The following MZT2A variants were observed in gnomAD, a reference collection of about 807,000 sequenced individuals.
The protein encoded by MZT2A is mitotic spindle organizing protein 2A, also known as mitotic-spindle organizing protein 2A.
In MZT2A, 8 loss-of-function variants were observed where a neutral mutation model predicts 12.4. That is an observed-to-expected ratio of 0.64 (90% CI 0.38 to 1.16). MZT2A has a LOEUF of 1.16. Among genes scored for constraint, MZT2A ranks in the 50% most tolerant of loss-of-function variants. The probability of loss-of-function intolerance (pLI) is 0.01; values close to 1 mark genes in which losing one functional copy is unlikely to be tolerated. For synonymous variants in MZT2A, 88 were observed against 107.5 expected (o/e 0.82, Z 1.12); for missense variants, 181 against 223.6 (o/e 0.81, Z 1.22).
upstream of MZT2A, among the ~76,000 whole-genome samples, chr2:131,493,399 G>A (rs748486881): frequency 1.3e-5 from 2 of 152,186 alleles, no homozygotes; most frequent in Non-Finnish European, 2.9e-5. Flanking sequence ...AAGGTTACCC[G>A]TCGTTGAAGG....
chr2:131,478,202 C>T (rs1433978448), intron 2 of MZT2A: 46 of 1,613,934 alleles, frequency 2.9e-5, no homozygotes, highest in Non-Finnish European at 3.8e-5. Flanking sequence ...AGGCGGGTGT[C>T]CAGATCGGCA....
chr2:131,474,288 G>A (rs183569394), intron 2 of MZT2A, among the ~76,000 whole-genome samples: 1 of 151,884 alleles, frequency 6.6e-6, no homozygotes, highest in African/African-American at 2.4e-5. Context: ...TAGTAGAGAC[G>A]GGGTTTTACC....
intron 2 of MZT2A, chr2:131,491,618 G>A: frequency 1.7e-6 from 1 of 599,932 alleles, no homozygotes; most frequent in Non-Finnish European, 2.9e-6. Context: ...AGGTGGGGAG[G>A]AGCTAAGCGG....
chr2:131,489,818 G>C, intron 2 of MZT2A: 1 of 941,868 alleles, frequency 1.1e-6, no homozygotes, highest in Non-Finnish European at 1.3e-6. Flanking sequence ...GGTCTCACTG[G>C]TGGTTTTCCT....
chr2:131,479,338 T>A (rs1309427750), downstream of MZT2A: 2 of 1,613,998 alleles, frequency 1.2e-6, no homozygotes, highest in Non-Finnish European at 1.7e-6. Context: ...TACAGGCAGC[T>A]CTTCCACCCG....
At chr2:131,474,319 G>A (rs1213369323) in intron 2 of MZT2A, among the ~76,000 whole-genome samples, 2 of 151,534 alleles carry the variant, frequency 1.3e-5, no homozygotes, top group African/African-American at 4.8e-5. Flanking sequence ...GGATGGTCTC[G>A]ATCTCCTGAC....
At chr2:131,492,481 T>TGGCGGGAGC (rs201428043), upstream of MZT2A, 32 of 1,024,370 alleles carry the variant, frequency 3.1e-5, no homozygotes, top group East Asian at 7.9e-4. Flanking sequence ...CGGGCTGCCC[T>TGGCGGGAGC]GGCGGGAGCG....
At position 131,478,635 on chromosome 2, in the gene MZT2A, T is replaced by C. The variant is rs546430768; in HGVS notation, c.279-6453A>G. ...AGCAGTAAGATGGGCTGTGAAGAGA[T>C]TCCCTCGTGCGTGCCTCAGCCCTGC... On this transcript the variant is annotated intron_variant and NMD_transcript_variant, in intron 2 of 4. Coordinates refer to the MZT2A transcript ENST00000427024. 5.1e-5 allele frequency: 35 copies of C among 691,564 alleles called. No individual in the cohort carries two copies. The East Asian group carries it at 1.0e-3, about 20-fold the overall frequency. The allele number at this position is 691,564 out of a possible 1,614,324, so 42.8% of individuals were successfully genotyped here.
downstream of MZT2A, chr2:131,483,945 AC>A (rs1228574316): frequency 8.4e-6 from 12 of 1,435,324 alleles, no homozygotes; most frequent in South Asian, 6.9e-5. Flanking sequence ...AAAAAAAAAA[AC>A]AGTAGAGAGC....
chr2:131,481,177 T>G (rs1170288387), downstream of MZT2A, among the ~76,000 whole-genome samples: 3 of 152,178 alleles, frequency 2.0e-5, no homozygotes, highest in South Asian at 2.1e-4. Flanking sequence ...GTGCTGGGAT[T>G]ACAGTCGTGA....
intron 2 of MZT2A, chr2:131,490,965 C>T (rs1679271616): frequency 1.3e-5 from 20 of 1,548,712 alleles, no homozygotes; most frequent in Admixed American, 3.9e-5. Flanking sequence ...CGCAGGTGCC[C>T]GGGCCCTCTT....
At chr2:131,490,125 T>G (rs1679228175) in intron 2 of MZT2A, 1 of 688,424 alleles carries the variant, frequency 1.5e-6, no homozygotes, top group South Asian at 6.6e-5. Flanking sequence ...AGGAGGCTCA[T>G]GCAGGAGGCG....
intron 3 of MZT2A, among the ~76,000 whole-genome samples, chr2:131,470,774 G>C (rs1704966020): frequency 6.8e-6 from 1 of 147,068 alleles, no homozygotes; most frequent in Non-Finnish European, 1.5e-5. Context: ...AATCAGGCCA[G>C]GCACTCATGC....
intron 2 of MZT2A, among the ~76,000 whole-genome samples, chr2:131,475,555 T>C (rs1678631693): frequency 6.6e-6 from 1 of 152,090 alleles, no homozygotes; most frequent in Non-Finnish European, 1.5e-5. Context: ...TCTTGGGAAC[T>C]CTTGACCTCA....
downstream of MZT2A, among the ~76,000 whole-genome samples, chr2:131,483,671 C>T (rs1678932859): frequency 6.6e-6 from 1 of 152,046 alleles, no homozygotes. Flanking sequence ...GCCAAGATCG[C>T]ACTACTGCAC....
chr2:131,484,341 G>A (rs1411006682), intron 2 of MZT2A, 123 bp from the exon 3 acceptor site: 3 of 1,446,246 alleles, frequency 2.1e-6, no homozygotes, highest in East Asian at 4.8e-5. Context: ...GCTTCAGCTA[G>A]AGGCCCTGCA....
intron 2 of MZT2A, chr2:131,478,407 T>C (rs748496547): frequency 1.9e-6 from 3 of 1,593,572 alleles, no homozygotes; most frequent in Non-Finnish European, 1.7e-6. Flanking sequence ...GGGCACTGGA[T>C]GGCAGCTTTC....
At chr2:131,491,014 C>G in intron 2 of MZT2A, 1 of 1,410,588 alleles carries the variant, frequency 7.1e-7, no homozygotes. Context: ...TGGCACTTCC[C>G]CCATGAAGGC....
downstream of MZT2A, among the ~76,000 whole-genome samples, chr2:131,479,880 A>G (rs1678794872): frequency 2.0e-5 from 3 of 152,188 alleles, no homozygotes; most frequent in South Asian, 2.1e-4. Context: ...CTTGAGTCCT[A>G]CTGAGTCTGC....
Sources: gnomAD v4.1 joint callset for allele counts (sites outside exome capture counted in the v4.1 genomes callset) on GRCh38, gnomAD v4.1.1 for gene constraint, MANE v1.5 for transcripts, NCBI Gene and HGNC (gene_info 2026-07-23, HGNC 2026-07-21) for gene names.